The following PKHD1L1 variants were observed in gnomAD, a reference collection of about 807,000 sequenced individuals.
PKHD1L1 encodes the protein fibrocystin-L.
In PKHD1L1, 434 loss-of-function variants were observed where a neutral mutation model predicts 462.9. The ratio of observed to expected loss-of-function variants is 0.94; its 90% CI spans 0.87 to 1.02. The LOEUF (loss-of-function observed/expected upper bound fraction) is 1.02. Among genes scored for constraint, PKHD1L1 ranks in the 50% least tolerant of loss-of-function variants. PKHD1L1 has a pLI of 0.00. For missense variants in PKHD1L1, 5,202 were observed against 5,096.1 expected (o/e 1.02, Z -0.63); for synonymous variants, 1,781 against 1,750.0 (o/e 1.02, Z -0.44).
At chr8:109,490,923 T>C (rs2130918937) in intron 60 of PKHD1L1, 49 bp from the exon 61 acceptor site, 2 of 1,435,686 alleles carry the variant, frequency 1.4e-6, no homozygotes, top group South Asian at 1.4e-5. Flanking sequence ...TTTAAAAATA[T>C]ATTGTAATTT....
rs372345055 is a variant in PKHD1L1, at chr8:109,508,160, T to A, written c.11291T>A (p.Met3764Lys). The A allele has an allele frequency of 1.9e-6, 3 of 1,613,082 alleles. No individual in the cohort carries two copies. Among genetic ancestry groups the A allele is most frequent in the East Asian group, 4.5e-5 (2 of 44,860 alleles). ...PEWQSYQCFG[M>K]EYAMMVIESL... ...TGGCAGAGCTATCAGTGCTTTGGGA[T>A]GGAATATGCAATGATGGTTATTGAA... The change falls in exon 70 of 78, where the codon ATG becomes AAG. Residue 3764 changes from methionine to lysine, a missense_variant. Met to Lys is a moderately conservative substitution (Grantham distance 95). Around this residue, in one of 3 missense-constraint regions of PKHD1L1, gnomAD observed 698 missense variants for 736.3 expected, o/e 0.95. Transcript: ENST00000378402.
intron 2 of PKHD1L1, among the ~76,000 whole-genome samples, chr8:109,371,536 T>G (rs1453828189): frequency 1.3e-5 from 2 of 149,900 alleles, no homozygotes; most frequent in African/African-American, 2.5e-5. Context: ...ATTTTGGCTT[T>G]TGTTGCCATT....
At chr8:109,419,565 GA>G (rs1814361433) in intron 22 of PKHD1L1, among the ~76,000 whole-genome samples, 1 of 151,854 alleles carries the variant, frequency 6.6e-6, no homozygotes. Flanking sequence ...TTTTATTTTT[GA>G]GAAACCAACT....
intron 38 of PKHD1L1, among the ~76,000 whole-genome samples, chr8:109,446,272 A>G (rs1199584144): frequency 1.3e-5 from 2 of 152,208 alleles, no homozygotes; most frequent in Admixed American, 6.5e-5. Context: ...CTATTAGAAT[A>G]TATGTACTGA....
intron 19 of PKHD1L1, among the ~76,000 whole-genome samples, chr8:109,411,106 G>A (rs564749507): frequency 1.3e-5 from 2 of 152,042 alleles, no homozygotes; most frequent in South Asian, 2.1e-4. Flanking sequence ...TTATGGTGGG[G>A]CATTATATGT....
chr8:109,455,826 T>C (rs1027959251), intron 45 of PKHD1L1, among the ~76,000 whole-genome samples: 4 of 152,160 alleles, frequency 2.6e-5, no homozygotes, highest in African/African-American at 9.7e-5. Flanking sequence ...CTTATTATCA[T>C]AAAAGTCCTA....
chr8:109,503,163 C>T (rs1338593318), intron 67 of PKHD1L1, among the ~76,000 whole-genome samples: 1 of 152,086 alleles, frequency 6.6e-6, no homozygotes, highest in Non-Finnish European at 1.5e-5. Context: ...CAAAAATTAG[C>T]CAGTCATGGT....
At position 109,436,324 on chromosome 8, in the gene PKHD1L1, C is replaced by T. The variant is rs1586506442; in HGVS notation, c.3506-14C>T. On this transcript the variant is annotated splice_polypyrimidine_tract_variant and intron_variant, in intron 29 of 77. Transcript: ENST00000378402. ...ACTGTTTTGTTGTTGTTTTTGTTTG[C>T]TTTTCTTATGAAGGTGGTACTCTAC... 6.3e-7 allele frequency: 1 copy of T among 1,596,848 alleles called. No individual in the cohort carries two copies. Among genetic ancestry groups the T allele is most frequent in the Non-Finnish European group, 8.5e-7 (1 of 1,175,510 alleles).
chr8:109,408,329 C>A, intron 18 of PKHD1L1, 123 bp downstream of exon 18: 1 of 890,906 alleles, frequency 1.1e-6, no homozygotes, highest in Non-Finnish European at 1.6e-6. Context: ...AATTATTTAT[C>A]ACCTGATCAA....
At chr8:109,383,229 A>G (rs1812246739) in intron 4 of PKHD1L1, among the ~76,000 whole-genome samples, 1 of 86,102 alleles carries the variant, frequency 1.2e-5, no homozygotes, top group South Asian at 3.0e-4. Context: ...TATATATTAT[A>G]TATAGTTATA....
intron 33 of PKHD1L1, 149 bp from the exon 34 acceptor site, chr8:109,441,125 GA>G: frequency 1.5e-6 from 1 of 654,324 alleles, no homozygotes; most frequent in Non-Finnish European, 2.5e-6. Context: ...ATTACTATCA[GA>G]AAAGAAGTTC....
chr8:109,389,499 A>AGTGT (rs55680302), intron 8 of PKHD1L1, among the ~76,000 whole-genome samples: 2,351 of 140,820 alleles, frequency 0.017, 43 homozygotes, highest in East Asian at 0.061. Flanking sequence ...ATCTTTTAAG[A>AGTGT]GTGTGTGTGT....
In PKHD1L1 at chr8:109,507,724, A is replaced by G. The variant is rs752838462; in HGVS notation, c.11056A>G (p.Arg3686Gly). Reference sequence around the variant, plus strand: ...TGATGCCAAGAGGAAATCTTTTCTTAGAGACATAGATGGCTCCTTTCTGGG... The same window carrying G: ...TGATGCCAAGAGGAAATCTTTTCTTGGAGACATAGATGGCTCCTTTCTGGG... ...VCDAKRKSFL[R>G]DIDGSFLGNA... The change falls in exon 69 of 78, where the codon AGA becomes GGA. Residue 3686 changes from arginine (R) to glycine (G), a missense_variant. By Grantham distance (125) the Arg-to-Gly change is moderately radical. This residue lies in a region of PKHD1L1 where 698 missense variants were observed against 736.3 expected (regional missense o/e 0.95). Coordinates refer to ENST00000378402, the MANE Select transcript of PKHD1L1 (RefSeq NM_177531.6). The G allele has an allele frequency of 1.2e-6, 2 of 1,613,372 alleles. No individual in the cohort carries two copies. Among genetic ancestry groups the G allele is most frequent in the South Asian group, 2.2e-5 (2 of 91,070 alleles).
At chr8:109,449,531 A>G in intron 40 of PKHD1L1, 44 bp downstream of exon 40, 1 of 1,480,392 alleles carries the variant, frequency 6.8e-7, no homozygotes. Context: ...AGAACTAGTT[A>G]ATTTTATAAA....
chr8:109,413,036 C>T (rs959824068), intron 20 of PKHD1L1, among the ~76,000 whole-genome samples: 5 of 152,054 alleles, frequency 3.3e-5, no homozygotes, highest in Non-Finnish European at 5.9e-5. Flanking sequence ...ATGATATTTA[C>T]GTCCCATTTA....
At chr8:109,493,580 G>A in intron 62 of PKHD1L1, 81 bp from the exon 63 acceptor site, 3 of 774,258 alleles carry the variant, frequency 3.9e-6, no homozygotes, top group East Asian at 2.9e-5. Flanking sequence ...TTTCATAAGT[G>A]TATTGTCATA....
intron 26 of PKHD1L1, among the ~76,000 whole-genome samples, 185 bp from the exon 27 acceptor site, chr8:109,429,747 G>A (rs1437050108): frequency 6.6e-6 from 1 of 152,064 alleles, no homozygotes; most frequent in Non-Finnish European, 1.5e-5. Flanking sequence ...AGAAATTAAA[G>A]TCAAAAGAGA....
intron 6 of PKHD1L1, among the ~76,000 whole-genome samples, chr8:109,385,924 T>A (rs1359650184): frequency 6.6e-6 from 1 of 152,226 alleles, no homozygotes; most frequent in Non-Finnish European, 1.5e-5. Context: ...GTTATAGTCA[T>A]ACAACTTTAT....
intron 28 of PKHD1L1, among the ~76,000 whole-genome samples, chr8:109,434,129 T>C (rs1032861303): frequency 3.3e-5 from 5 of 152,024 alleles, no homozygotes; most frequent in African/African-American, 1.2e-4. Context: ...GGGATAGCAT[T>C]AGAAGAAATA....
Sources: allele counts gnomAD v4.1 joint callset (sites outside exome capture counted in the v4.1 genomes callset), GRCh38; gene constraint gnomAD v4.1.1; regional missense constraint gnomAD v4.1.1; transcripts MANE v1.5; gene names NCBI Gene and HGNC (gene_info 2026-07-23, HGNC 2026-07-21).